The following CILK1 variants were observed in gnomAD, a reference collection of about 807,000 sequenced individuals.
CILK1 encodes the protein serine/threonine-protein kinase ICK.
A neutral mutation model predicts 79.2 loss-of-function variants in CILK1; 47 were observed. That is an observed-to-expected ratio of 0.59 (90% CI 0.47 to 0.76). The LOEUF (loss-of-function observed/expected upper bound fraction) is 0.76, where lower values mean the gene tolerates loss of function less well. Ranked by LOEUF, CILK1 falls within the 30% of genes least tolerant of loss-of-function variation. CILK1 has a pLI of 0.00. For synonymous variants in CILK1, 266 were observed against 275.9 expected (o/e 0.96, Z 0.36); for missense variants, 660 against 769.5 (o/e 0.86, Z 1.68).
rs944558471 is a variant in CILK1 at position 53,002,251 on chromosome 6, G to A, written c.*2898C>T. 2 of 152,064 alleles carry A rather than the reference G, an allele frequency of 1.3e-5. No individual in the cohort carries two copies. Among genetic ancestry groups the A allele is most frequent in the Non-Finnish European group, 2.9e-5 (2 of 68,026 alleles). 9.4% of individuals were successfully genotyped at this position (152,064 alleles called of 1,614,324 possible). On this transcript the variant is annotated 3_prime_UTR_variant, in exon 14 of 14. Transcript: ENST00000676107. ...TCCCTACTCTGCTGGCACTACCTGG[G>A]GCACATCAATACCCCTACAACGCAC...
chr6:53,015,764 T>G (rs1245086719), intron 8 of CILK1, among the ~76,000 whole-genome samples: 4 of 152,200 alleles, frequency 2.6e-5, no homozygotes, highest in Admixed American at 2.6e-4. Context: ...ACTATATAAT[T>G]GTAACTCATA....
At position 53,041,286 on chromosome 6, in the gene CILK1, T is replaced by C; in HGVS notation, c.-50A>G. ...TCATCTCACGGCCGAAGTGGTTCAGTTCTGCAGTGGTAGCAGTCCTCCCCA... is the reference window on the plus strand; with the variant it reads ...TCATCTCACGGCCGAAGTGGTTCAGCTCTGCAGTGGTAGCAGTCCTCCCCA... On this transcript the variant is annotated 5_prime_UTR_variant, in exon 2 of 14. Transcript: ENST00000676107. The C allele has an allele frequency of 7.5e-7, 1 of 1,333,772 alleles. No individual in the cohort carries two copies. Among genetic ancestry groups the C allele is most frequent in the Non-Finnish European group, 1.1e-6 (1 of 929,522 alleles). 82.6% of individuals were successfully genotyped at this position (1,333,772 alleles called of 1,614,324 possible).
At chr6:53,042,583 T>G (rs1359514801) in intron 1 of CILK1, among the ~76,000 whole-genome samples, 1 of 152,238 alleles carries the variant, frequency 6.6e-6, no homozygotes, top group African/African-American at 2.4e-5. Flanking sequence ...GGTATGCTCC[T>G]TTTAAAGTCA....
chr6:53,041,138 T>C lies in CILK1; in HGVS notation c.99A>G (p.Lys33=). Residue 33 remains lysine, a splice_region_variant and synonymous_variant, in exon 2 of 14, where the codon AAA becomes AAG. Transcript: ENST00000676107. The part of the protein sequence containing the change: ...SIESGELIAI[K]KMKRKFYSWE... Reference sequence around the variant, plus strand: ...TGGCAGTGAAGGATCAAACTTACTTTTTAATAGCGATCAGCTCCCCAGACT... The same window carrying C: ...TGGCAGTGAAGGATCAAACTTACTTCTTAATAGCGATCAGCTCCCCAGACT... 1.2e-6 allele frequency: 2 copies of C among 1,607,448 alleles called. No individual in the cohort carries two copies. Among genetic ancestry groups the C allele is most frequent in the Non-Finnish European group, 1.7e-6 (2 of 1,173,908 alleles).
At chr6:53,018,295 G>A (rs1397010344) in intron 7 of CILK1, 35 bp downstream of exon 7, 1 of 1,604,402 alleles carries the variant, frequency 6.2e-7, no homozygotes. Context: ...GAAGCTGTTG[G>A]CTTTGGCCCA....
At chr6:53,027,181 A>G (rs924610955) in intron 5 of CILK1, among the ~76,000 whole-genome samples, 7 of 152,238 alleles carry the variant, frequency 4.6e-5, no homozygotes, top group African/African-American at 1.7e-4. Flanking sequence ...GCAATGGACT[A>G]TCTCAAGGTC....
intron 5 of CILK1, among the ~76,000 whole-genome samples, chr6:53,028,799 C>T (rs1420475848): frequency 1.3e-5 from 2 of 151,560 alleles, no homozygotes; most frequent in East Asian, 1.9e-4. Context: ...TATATGGATG[C>T]TAAATTATGT....
chr6:53,016,466 G>C (rs527446251), intron 7 of CILK1, among the ~76,000 whole-genome samples: 1 of 152,032 alleles, frequency 6.6e-6, no homozygotes, highest in African/African-American at 2.4e-5. Flanking sequence ...GGGAATAGTG[G>C]AAAAGACACT....
chr6:53,030,530 C>T (rs940565432), intron 5 of CILK1, among the ~76,000 whole-genome samples: 3 of 152,188 alleles, frequency 2.0e-5, no homozygotes, highest in Non-Finnish European at 4.4e-5. Context: ...AACTTGCTGG[C>T]ATGCATTTTG....
chr6:53,047,591 G>A (rs924213192), intron 1 of CILK1, among the ~76,000 whole-genome samples: 4 of 150,090 alleles, frequency 2.7e-5, no homozygotes, highest in East Asian at 2.0e-4. Context: ...GATTACAGGC[G>A]TGAGTACACC....
intron 6 of CILK1, 65 bp from the exon 7 acceptor site, chr6:53,018,566 A>G: frequency 6.8e-7 from 1 of 1,477,068 alleles, no homozygotes; most frequent in Non-Finnish European, 9.4e-7. Flanking sequence ...TTAAATAACA[A>G]TCAGTTCTCA....
chr6:53,035,770 C>T (rs1377110022), intron 3 of CILK1, among the ~76,000 whole-genome samples: 1 of 152,200 alleles, frequency 6.6e-6, no homozygotes, highest in Non-Finnish European at 1.5e-5. Context: ...AAGAGGCCTT[C>T]AGTGACCTTC....
At chr6:53,059,863 CTCATTCAT>C (rs559359003) in intron 1 of CILK1, among the ~76,000 whole-genome samples, 2 of 152,184 alleles carry the variant, frequency 1.3e-5, no homozygotes, top group African/African-American at 4.8e-5. Flanking sequence ...AGGGATGCTT[CTCATTCAT>C]TCATTCATTC....
chr6:53,022,538 A>T (rs556138705), intron 5 of CILK1, among the ~76,000 whole-genome samples: 47 of 152,326 alleles, frequency 3.1e-4, no homozygotes, highest in African/African-American at 9.9e-4. Flanking sequence ...GGTGTGTCTA[A>T]GTAAGTGTAC....
intron 5 of CILK1, among the ~76,000 whole-genome samples, chr6:53,019,832 GTT>G (rs11308649): frequency 5.7e-5 from 8 of 140,100 alleles, no homozygotes; most frequent in Non-Finnish European, 3.1e-5. Flanking sequence ...TAGTTTTTTT[GTT>G]TTTTTTTTTT....
At position 53,042,440 on chromosome 6, in the gene CILK1, T is replaced by G. The variant is rs369220757; in HGVS notation, c.-172-1032A>C. On this transcript the variant is annotated intron_variant, in intron 1 of 13. Coordinates refer to ENST00000676107, the MANE Select transcript of CILK1 (RefSeq NM_014920.5). ...ATGTAAACATACAAAAGCTAAGAAA[T>G]GCTAAAGTTCTCCTGATGCAGAACT... Among the ~76,000 whole-genome samples, 6 of 152,156 alleles carry G rather than the reference T, an allele frequency of 3.9e-5. No homozygotes were observed. In the East Asian group the frequency reaches 7.7e-4, roughly 20 times the overall value.
intron 1 of CILK1, among the ~76,000 whole-genome samples, chr6:53,056,717 T>C (rs566855513): frequency 2.6e-5 from 4 of 152,182 alleles, no homozygotes; most frequent in Non-Finnish European, 5.9e-5. Context: ...AGAACTGGCA[T>C]AGTTGGCACA....
intron 5 of CILK1, among the ~76,000 whole-genome samples, chr6:53,020,971 G>GT (rs1233718303): frequency 6.6e-6 from 1 of 152,174 alleles, no homozygotes; most frequent in African/African-American, 2.4e-5. Context: ...GTACCTTGCA[G>GT]TTATGTTGGA....
rs560721494 is a variant in CILK1, at chr6:53,005,386, A to G, written c.1745-83T>C. ...AAATAAATGCATTTTGGTGACAAAAACATGAGAAAATAAGGAGTTCAAGAG... is the reference window on the plus strand; with the variant it reads ...AAATAAATGCATTTTGGTGACAAAAGCATGAGAAAATAAGGAGTTCAAGAG... On this transcript the variant is annotated intron_variant, in intron 13 of 13. Transcript: ENST00000676107. The G allele has an allele frequency of 1.5e-5, 22 of 1,457,662 alleles. No individual in the cohort carries two copies. In the African/African-American group the frequency reaches 1.5e-4, roughly 10 times the overall value. 90.3% of individuals were successfully genotyped at this position (1,457,662 alleles called of 1,614,324 possible). A position where few individuals can be genotyped will look rare whatever the true frequency, so the allele number is the denominator to read the frequency against.
Sources: allele counts gnomAD v4.1 joint callset (sites outside exome capture counted in the v4.1 genomes callset), GRCh38; gene constraint gnomAD v4.1.1; transcripts MANE v1.5; gene names NCBI Gene and HGNC (gene_info 2026-07-23, HGNC 2026-07-21).